TRIM38: variants seen among roughly 807,000 people sequenced by gnomAD.
TRIM38 encodes tripartite motif containing 38, also known as E3 ubiquitin-protein ligase TRIM38.
TRIM38 carries 35 observed loss-of-function variants against 35.8 expected under a neutral mutation model. The ratio of observed to expected loss-of-function variants is 0.98; its 90% CI spans 0.75 to 1.30. The LOEUF (loss-of-function observed/expected upper bound fraction) is 1.30. Ranked by LOEUF, TRIM38 falls within the 50% of genes most tolerant of loss-of-function variation. The probability of loss-of-function intolerance (pLI) is 0.00; values close to 1 mark genes in which losing one functional copy is unlikely to be tolerated. For missense variants in TRIM38, 545 were observed against 556.9 expected, an observed-to-expected ratio of 0.98 and a Z score of 0.21; for synonymous variants, 198 against 204.7, an observed-to-expected ratio of 0.97 and a Z score of 0.28.
intron 4 of TRIM38, among the ~76,000 whole-genome samples, chr6:25,971,544 T>C (rs1323541075): frequency 6.6e-6 from 1 of 152,188 alleles, no homozygotes; most frequent in Non-Finnish European, 1.5e-5. Context: ...ACCATTCCCA[T>C]CTCCAAACTG....
chr6:25,970,064 T>G (rs113080642), intron 4 of TRIM38, among the ~76,000 whole-genome samples: 373 of 152,148 alleles, frequency 2.5e-3, no homozygotes, highest in African/African-American at 8.5e-3. Context: ...ATTACAGGCA[T>G]GTGCTACCAT....
chr6:25,982,923 C>T (rs770084719), intron 7 of TRIM38, among the ~76,000 whole-genome samples: 1 of 152,126 alleles, frequency 6.6e-6, no homozygotes, highest in Non-Finnish European at 1.5e-5. Flanking sequence ...CCCATCTCTA[C>T]AGAAAATTTA....
chr6:25,978,708 C>T (rs1760466172), intron 7 of TRIM38, among the ~76,000 whole-genome samples: 1 of 151,978 alleles, frequency 6.6e-6, no homozygotes, highest in African/African-American at 2.4e-5. Flanking sequence ...CCTTTGCCAC[C>T]CAGGCTGGAG....
At chr6:25,977,693 A>G in intron 7 of TRIM38, among the ~76,000 whole-genome samples, 1 of 146,802 alleles carries the variant, frequency 6.8e-6, no homozygotes, top group African/African-American at 2.5e-5. Context: ...GAGATGAAGG[A>G]GGAGGAGGAA....
intron 3 of TRIM38, 112 bp from the exon 4 acceptor site, chr6:25,969,213 C>G (rs1435457268): frequency 1.3e-6 from 1 of 779,484 alleles, no homozygotes; most frequent in Non-Finnish European, 2.1e-6. Context: ...ACAATGAGGA[C>G]TCTATAAATA....
chr6:25,977,090 A>T (rs1269270140), intron 7 of TRIM38, among the ~76,000 whole-genome samples: 1 of 152,152 alleles, frequency 6.6e-6, no homozygotes, highest in Non-Finnish European at 1.5e-5. Flanking sequence ...TGGCATGTGG[A>T]TGGCATTTTG....
At chr6:25,978,544 C>T (rs924763132) in intron 7 of TRIM38, among the ~76,000 whole-genome samples, 1 of 152,068 alleles carries the variant, frequency 6.6e-6, no homozygotes, top group Admixed American at 6.6e-5. Flanking sequence ...GGCTCTCACT[C>T]TGTTGCCCAA....
chr6:25,979,280 T>A (rs975196511), intron 7 of TRIM38, among the ~76,000 whole-genome samples: 1 of 152,102 alleles, frequency 6.6e-6, no homozygotes, highest in Non-Finnish European at 1.5e-5. Context: ...GGTATGAGAT[T>A]GGCATTACTC....
intron 5 of TRIM38, among the ~76,000 whole-genome samples, chr6:25,972,436 C>A (rs1760265515): frequency 6.6e-6 from 1 of 152,140 alleles, no homozygotes; most frequent in South Asian, 2.1e-4. Context: ...GAGTGATAAC[C>A]TTTTCCCTGA....
rs886521341 is a variant in TRIM38, at chr6:25,983,773, C to A, written c.*86C>A. The A allele has an allele frequency of 5.5e-6, 7 of 1,280,956 alleles. No individual in the cohort carries two copies. In the South Asian group the frequency reaches 9.0e-5, roughly 16 times the overall value. 79.3% of individuals were successfully genotyped at this position (1,280,956 alleles called of 1,614,324 possible). On this transcript the variant is annotated 3_prime_UTR_variant, in exon 8 of 8. Transcript: ENST00000357085. ...GGGCAGACGTTTGGTCTGTTTTCTTCGCTGTCATTTCCTTAGTAGTTAGAC... is the reference window on the plus strand; with the variant it reads ...GGGCAGACGTTTGGTCTGTTTTCTTAGCTGTCATTTCCTTAGTAGTTAGAC...
rs528143552 is a variant in TRIM38, at chr6:25,983,167, G to T, written c.878G>T (p.Ser293Ile). Residue 293 changes from serine (S) to isoleucine (I), a missense_variant, in exon 8 of 8, where the codon AGT (serine) becomes ATT (isoleucine). Ser to Ile is a moderately radical substitution (Grantham distance 142). Coordinates refer to ENST00000357085, the MANE Select transcript of TRIM38 (RefSeq NM_006355.5). ...TTTGTTTTGTTTTGTTTTGCAGTTA[G>T]TGTGACTCTGGATCCAGATACAGCT... is the stretch of plus-strand genomic sequence containing the variant. ...VKKMLRSHQV[S>I]VTLDPDTAHH... 15 of 1,571,844 alleles carry T rather than the reference G, an allele frequency of 9.5e-6. No individual in the cohort carries two copies. Among genetic ancestry groups the T allele is most frequent in the Non-Finnish European group, 1.2e-5 (14 of 1,159,400 alleles).
rs1185825126 is a variant in TRIM38, at chr6:25,983,619, G to C, written c.1330G>C (p.Asp444His). The change falls in exon 8 of 8, where the codon GAT (aspartate) becomes CAT (histidine). Residue 444 changes from aspartate (D) to histidine (H), a missense_variant. Physicochemically the swap from Asp to His is moderately conservative, Grantham distance 81. Transcript: ENST00000357085. ...TACTTTCCCGAAGGCTTCCTTCTCT[G>C]ATACTCTCCGGCCCTATTTCCAGGT... ...IFTFPKASFSDTLRPYFQVYQ... is the reference protein window; with the variant it reads ...IFTFPKASFSHTLRPYFQVYQ... 8 of 1,613,724 alleles carry C rather than the reference G, an allele frequency of 5.0e-6. No individual in the cohort carries two copies. The highest frequency in any genetic ancestry group is 5.9e-6 in the Non-Finnish European group (7 of 1,179,952).
In TRIM38 at chr6:25,988,254, C is replaced by G. The variant is rs1760767300; in HGVS notation, c.*4567C>G. ...TGGGTTAGCCCTGCTCAGCAAGGAG[C>G]AGTACCTGTTCTGCTGTTGTACACT... On this transcript the variant is annotated 3_prime_UTR_variant, in exon 8 of 8. Transcript: ENST00000357085. The G allele has an allele frequency of 6.6e-6, 1 of 152,164 alleles. No homozygotes were observed. Among genetic ancestry groups the G allele is most frequent in the Non-Finnish European group, 1.5e-5 (1 of 68,028 alleles). The allele number at this position is 152,164 out of a possible 1,614,324, so 9.4% of individuals were successfully genotyped here. A position where few individuals can be genotyped will look rare whatever the true frequency, so the allele number is the denominator to read the frequency against.
At chr6:25,978,594 G>A (rs753625071) in intron 7 of TRIM38, among the ~76,000 whole-genome samples, 201 of 151,938 alleles carry the variant, frequency 1.3e-3, no homozygotes, top group African/African-American at 4.8e-3. Flanking sequence ...TCCACCACCT[G>A]AGCTAAAGTG....
chr6:25,963,598 A>G (rs1290417090), intron 2 of TRIM38, among the ~76,000 whole-genome samples: 1 of 152,214 alleles, frequency 6.6e-6, no homozygotes, highest in Non-Finnish European at 1.5e-5. Context: ...GAGAAGAGAT[A>G]GTAAAAGTAA....
chr6:25,964,335 A>C (rs982918515), intron 2 of TRIM38, among the ~76,000 whole-genome samples: 2 of 152,144 alleles, frequency 1.3e-5, no homozygotes, highest in Non-Finnish European at 2.9e-5. Flanking sequence ...TTTATTTCAG[A>C]GGGGAAGGGT....
chr6:25,966,792 A>T lies in TRIM38; in HGVS notation c.270A>T (p.Glu90Asp), dbSNP rs1357277319. 14 of 1,614,204 alleles carry T rather than the reference A, an allele frequency of 8.7e-6. No homozygotes were observed. Among genetic ancestry groups the T allele is most frequent in the Non-Finnish European group, 1.2e-5 (14 of 1,180,032 alleles). Residue 90 changes from glutamate (E) to aspartate (D), a missense_variant, in exon 3 of 8, where the codon GAA becomes GAT. Physicochemically the swap from Glu to Asp is conservative, Grantham distance 45. Transcript: ENST00000357085. ...LIEALKETDQ[E>D]MSCEEHGEQF... ...AAGCCCTCAAAGAGACGGATCAAGAAATGTCATGTGAGGAACACGGAGAGC... is the reference window on the plus strand; with the variant it reads ...AAGCCCTCAAAGAGACGGATCAAGATATGTCATGTGAGGAACACGGAGAGC...
intron 7 of TRIM38, among the ~76,000 whole-genome samples, chr6:25,982,545 C>A (rs59611422): frequency 4.2e-4 from 64 of 152,302 alleles, no homozygotes; most frequent in African/African-American, 1.4e-3. Flanking sequence ...GTAGCCCCCA[C>A]GGCCTGGTGT....
chr6:25,983,658 C>T lies in TRIM38; in HGVS notation c.1369C>T (p.Pro457Ser). The change falls in exon 8 of 8, where the codon CCT becomes TCT. Residue 457 changes from proline (P) to serine (S), a missense_variant. Coordinates refer to ENST00000357085, the MANE Select transcript of TRIM38 (RefSeq NM_006355.5). ...RPYFQVYQYS[P>S]LFLPPPGD ...CTATTTCCAGGTTTATCAATATTCTCCTTTGTTTCTGCCTCCCCCAGGTGA... is the reference window on the plus strand; with the variant it reads ...CTATTTCCAGGTTTATCAATATTCTTCTTTGTTTCTGCCTCCCCCAGGTGA... The T allele has an allele frequency of 2.5e-6, 4 of 1,603,476 alleles. No individual in the cohort carries two copies. Among genetic ancestry groups the T allele is most frequent in the Non-Finnish European group, 3.4e-6 (4 of 1,175,250 alleles).
Sources: allele counts gnomAD v4.1 joint callset (sites outside exome capture counted in the v4.1 genomes callset), GRCh38; gene constraint gnomAD v4.1.1; transcripts MANE v1.5; gene names NCBI Gene and HGNC (gene_info 2026-07-23, HGNC 2026-07-21).